The following DNAH7 variants were observed in gnomAD, a reference collection of about 807,000 sequenced individuals.
DNAH7 encodes dynein axonemal heavy chain 7.
Under a neutral mutation model 444.6 loss-of-function variants are expected in DNAH7, and 397 were observed. The ratio of observed to expected loss-of-function variants is 0.89; its 90% CI spans 0.82 to 0.97. DNAH7 has a LOEUF of 0.97. Among genes scored for constraint, DNAH7 ranks in the 50% least tolerant of loss-of-function variants. The probability of loss-of-function intolerance (pLI) is 0.00; values close to 1 mark genes in which losing one functional copy is unlikely to be tolerated. For synonymous variants in DNAH7, 1,636 were observed against 1,624.4 expected, an observed-to-expected ratio of 1.01 and a Z score of -0.17; for missense variants, 4,902 against 4,800.8, an observed-to-expected ratio of 1.02 and a Z score of -0.62.
intron 12 of DNAH7, among the ~76,000 whole-genome samples, 157 bp downstream of exon 12, chr2:196,000,547 G>A (rs1360070135): frequency 1.3e-5 from 2 of 152,168 alleles, no homozygotes; most frequent in African/African-American, 4.8e-5. Flanking sequence ...ATTTTGAGAG[G>A]CCATTTGGAA....
At chr2:195,909,354 T>G (rs1026564249) in intron 25 of DNAH7, among the ~76,000 whole-genome samples, 7 of 152,196 alleles carry the variant, frequency 4.6e-5, no homozygotes, top group Admixed American at 2.6e-4. Context: ...CCTAACATTT[T>G]AAGGAATAAC....
At chr2:196,052,937 G>A (rs1045788642) in intron 2 of DNAH7, among the ~76,000 whole-genome samples, 8 of 152,116 alleles carry the variant, frequency 5.3e-5, no homozygotes, top group African/African-American at 1.9e-4. Context: ...ACCATGTGCT[G>A]GGCTCATAGA....
At position 195,853,499 on chromosome 2, in the gene DNAH7, T is replaced by C. The variant is rs1699511589; in HGVS notation, c.8625A>G (p.Arg2875=). 6.2e-7 allele frequency: 1 copy of C among 1,610,850 alleles called. No individual in the cohort carries two copies. The highest frequency in any genetic ancestry group is 1.3e-5 in the African/African-American group (1 of 74,778). Residue 2875 remains arginine (R), a synonymous_variant, in exon 46 of 65, where the codon CGA becomes CGG. Coordinates refer to ENST00000312428, the MANE Select transcript of DNAH7 (RefSeq NM_018897.3). ...QVDLCSKKLE[R]AEQLIGGLGG... is the part of the protein sequence containing the mutation. ...CAAGGCCTCCAATCAACTGTTCAGC[T>C]CGTTCTAGTTTTTTGCTGCAAAGGT...
At chr2:195,807,195 C>T (rs1193494834) in intron 53 of DNAH7, among the ~76,000 whole-genome samples, 10 of 151,318 alleles carry the variant, frequency 6.6e-5, no homozygotes, top group Non-Finnish European at 1.3e-4. Context: ...TTTGCTCTGT[C>T]GCCCAGGCTG....
At chr2:195,856,181 C>T (rs938970882) in intron 44 of DNAH7, among the ~76,000 whole-genome samples, 190 bp from the exon 45 acceptor site, 1 of 152,088 alleles carries the variant, frequency 6.6e-6, no homozygotes, top group East Asian at 1.9e-4. Context: ...CAAGAAATGG[C>T]CTTTTATTAA....
Position 195,740,856 on chromosome 2 carries a change from G to T in DNAH7, c.11778C>A (p.His3926Gln). ...AGGAAGCTCCATCCAGAAATAATCC[G>T]TGAATGAAAACACCTAAATATAAAA... ...KHPPEDGVFI[H>Q]GLFLDGASWN... is the part of the protein sequence containing the mutation. Residue 3926 changes from histidine to glutamine, a missense_variant, in exon 64 of 65, where the codon CAC (histidine) becomes CAA (glutamine). Coordinates refer to ENST00000312428, the MANE Select transcript of DNAH7 (RefSeq NM_018897.3). The T allele has an allele frequency of 6.5e-7, 1 of 1,541,382 alleles. No homozygotes were observed. Among genetic ancestry groups the T allele is most frequent in the East Asian group, 2.4e-5 (1 of 42,072 alleles).
intron 5 of DNAH7, among the ~76,000 whole-genome samples, chr2:196,030,052 A>G (rs1430421313): frequency 3.9e-5 from 6 of 152,194 alleles, no homozygotes; most frequent in African/African-American, 1.4e-4. Flanking sequence ...AAAGAAGAGT[A>G]TATTAGTCCG....
At chr2:196,062,925 C>T (rs1448391496) in intron 1 of DNAH7, among the ~76,000 whole-genome samples, 4 of 152,172 alleles carry the variant, frequency 2.6e-5, no homozygotes, top group Admixed American at 6.5e-5. Flanking sequence ...TTCCATCACC[C>T]AGGGTGTAGT....
At chr2:195,879,462 T>C (rs1477560479) in intron 36 of DNAH7, among the ~76,000 whole-genome samples, 1 of 152,198 alleles carries the variant, frequency 6.6e-6, no homozygotes, top group Non-Finnish European at 1.5e-5. Flanking sequence ...TAAAAAATTC[T>C]AAATGGCACA....
At chr2:195,813,357 C>A (rs551474388) in intron 51 of DNAH7, among the ~76,000 whole-genome samples, 9 of 152,162 alleles carry the variant, frequency 5.9e-5, no homozygotes, top group African/African-American at 2.2e-4. Flanking sequence ...TGAATATAAA[C>A]CCTTTTGAAA....
chr2:195,944,365 C>A (rs907698019), intron 19 of DNAH7, among the ~76,000 whole-genome samples: 1 of 152,118 alleles, frequency 6.6e-6, no homozygotes, highest in Admixed American at 6.6e-5. Flanking sequence ...TAAACAGAAC[C>A]ACTCACAGCT....
intron 21 of DNAH7, among the ~76,000 whole-genome samples, chr2:195,934,225 C>T (rs537980635): frequency 7.9e-5 from 12 of 152,200 alleles, no homozygotes; most frequent in South Asian, 2.1e-4. Context: ...TCATACATGT[C>T]GAGGAGATTG....
chr2:196,039,528 T>G (rs193233057), intron 5 of DNAH7, among the ~76,000 whole-genome samples: 215 of 152,258 alleles, frequency 1.4e-3, no homozygotes, highest in African/African-American at 4.5e-3. Context: ...CCAGGTGCAG[T>G]GGTTCACGCC....
Position 195,987,149 on chromosome 2 carries a change from GATTA to G in DNAH7, c.1667_1670del (p.Leu556SerfsTer5), listed in dbSNP as rs1322637851. 1 of 1,606,530 alleles carries G rather than the reference GATTA, an allele frequency of 6.2e-7. No homozygotes were observed. Among genetic ancestry groups the G allele is most frequent in the East Asian group, 2.2e-5 (1 of 44,534 alleles). On this transcript the variant is annotated frameshift_variant, in exon 14 of 65. Coordinates refer to ENST00000312428, the MANE Select transcript of DNAH7 (RefSeq NM_018897.3). LOFTEE classifies it high-confidence loss of function. Reference sequence around the variant, plus strand: ...TATCTGCTCGCTTCACCAAAGCTCTGATTAATTCCTCACAGTGCATTTCAAACAT... The same window carrying G: ...TATCTGCTCGCTTCACCAAAGCTCTGATTCCTCACAGTGCATTTCAAACAT...
chr2:195,748,465 C>T (rs887609771), intron 63 of DNAH7, among the ~76,000 whole-genome samples: 3 of 152,144 alleles, frequency 2.0e-5, no homozygotes, highest in Admixed American at 1.3e-4. Flanking sequence ...TGACTTTCTT[C>T]ACAGAATTGG....
At chr2:195,878,172 ATAT>A (rs1257775739) in intron 36 of DNAH7, among the ~76,000 whole-genome samples, 3 of 152,246 alleles carry the variant, frequency 2.0e-5, no homozygotes, top group African/African-American at 7.2e-5. Flanking sequence ...AGACTCTAAA[ATAT>A]TATTTCACTT....
chr2:195,938,885 A>C (rs1011161891), intron 19 of DNAH7, among the ~76,000 whole-genome samples: 13 of 152,126 alleles, frequency 8.5e-5, no homozygotes, highest in African/African-American at 2.7e-4. Context: ...CTGGCAACTC[A>C]ACTACCTTTA....
intron 49 of DNAH7, among the ~76,000 whole-genome samples, chr2:195,821,810 G>C (rs993689167): frequency 2.0e-4 from 30 of 152,178 alleles, no homozygotes; most frequent in Admixed American, 2.0e-3. Flanking sequence ...TACTGGGTGG[G>C]AGATATCGTG....
At chr2:195,930,172 G>A (rs562936511) in intron 21 of DNAH7, among the ~76,000 whole-genome samples, 8 of 152,198 alleles carry the variant, frequency 5.3e-5, no homozygotes, top group East Asian at 3.9e-4. Flanking sequence ...ATGAAACCAC[G>A]TCTCTACTAA....
Sources: allele counts gnomAD v4.1 joint callset (sites outside exome capture counted in the v4.1 genomes callset), GRCh38; gene constraint gnomAD v4.1.1; transcripts MANE v1.5; gene names NCBI Gene and HGNC (gene_info 2026-07-23, HGNC 2026-07-21).